The following TSHZ2 variants were observed in gnomAD, a reference collection of about 807,000 sequenced individuals.
The protein encoded by TSHZ2 is teashirt homolog 2.
In TSHZ2, 21 loss-of-function variants were observed where a neutral mutation model predicts 74.4. That is an observed-to-expected ratio of 0.28 (90% CI 0.20 to 0.41). The LOEUF (loss-of-function observed/expected upper bound fraction) is 0.41, where lower values mean the gene tolerates loss of function less well. Among genes scored for constraint, TSHZ2 ranks in the 10% least tolerant of loss-of-function variants. The pLI is 1.00. For synonymous variants in TSHZ2, 540 were observed against 515.3 expected, an observed-to-expected ratio of 1.05 and a Z score of -0.65; for missense variants, 1,244 against 1,293.5, an observed-to-expected ratio of 0.96 and a Z score of 0.59.
chr20:53,370,232 G>C (rs1175768052), intron 2 of TSHZ2, among the ~76,000 whole-genome samples: 1 of 152,156 alleles, frequency 6.6e-6, no homozygotes, highest in African/African-American at 2.4e-5. Context: ...GGGCATGAAG[G>C]ACATGGAAAG....
At chr20:53,392,237 G>C (rs1406738603) in intron 2 of TSHZ2, among the ~76,000 whole-genome samples, 1 of 152,132 alleles carries the variant, frequency 6.6e-6, no homozygotes, top group Non-Finnish European at 1.5e-5. Context: ...CTGAAGTTGG[G>C]AGTTCAAGAC....
chr20:53,117,485 A>G (rs1253636902), intron 1 of TSHZ2, among the ~76,000 whole-genome samples: 1 of 152,210 alleles, frequency 6.6e-6, no homozygotes, highest in Non-Finnish European at 1.5e-5. Flanking sequence ...GAGACAGACA[A>G]TAGTTGTGTA....
intron 1 of TSHZ2, among the ~76,000 whole-genome samples, chr20:53,107,774 G>T (rs73142266): frequency 0.07 from 10,680 of 152,210 alleles, 445 homozygotes; most frequent in Non-Finnish European, 0.1. Context: ...TAATAGAGTA[G>T]GGAGAGTGTA....
At chr20:53,078,873 T>C (rs1210240265) in intron 1 of TSHZ2, among the ~76,000 whole-genome samples, 3 of 152,200 alleles carry the variant, frequency 2.0e-5, no homozygotes, top group Non-Finnish European at 4.4e-5. Flanking sequence ...TTAAGTTTGA[T>C]GTTCAAGAGT....
At chr20:53,187,839 A>G (rs1188006828) in intron 1 of TSHZ2, among the ~76,000 whole-genome samples, 2 of 152,126 alleles carry the variant, frequency 1.3e-5, no homozygotes, top group African/African-American at 2.4e-5. Flanking sequence ...ATGAGGGAAA[A>G]TGGGAAATCA....
chr20:53,050,130 T>TATATATATATATATATATATAGATATAC (rs1555819319), intron 1 of TSHZ2, among the ~76,000 whole-genome samples: 1 of 88,346 alleles, frequency 1.1e-5, no homozygotes, highest in Non-Finnish European at 1.9e-5. Context: ...TATATACACA[T>TATATATATATATATATATATAGATATAC]ATATATATGT....
At chr20:53,011,079 GCTTT>G (rs1442926673) in intron 1 of TSHZ2, among the ~76,000 whole-genome samples, 5 of 152,170 alleles carry the variant, frequency 3.3e-5, no homozygotes, top group African/African-American at 7.2e-5. Flanking sequence ...TGCTCAAACA[GCTTT>G]CTTTATTAGT....
intron 1 of TSHZ2, among the ~76,000 whole-genome samples, chr20:53,037,270 G>A (rs746689378): frequency 4.6e-5 from 7 of 152,164 alleles, no homozygotes; most frequent in Non-Finnish European, 1.0e-4. Flanking sequence ...GCTATCACTA[G>A]TCAGATTATT....
chr20:53,123,367 T>G (rs1986864659), intron 1 of TSHZ2, among the ~76,000 whole-genome samples: 1 of 152,142 alleles, frequency 6.6e-6, no homozygotes. Flanking sequence ...TATGATCAGC[T>G]TCCATGAGGG....
At chr20:53,301,263 A>G (rs8182671) in intron 2 of TSHZ2, among the ~76,000 whole-genome samples, 14 of 152,212 alleles carry the variant, frequency 9.2e-5, no homozygotes, top group African/African-American at 3.4e-4. Context: ...TAGCCCCCAG[A>G]GTGATTTCTA....
rs147511131 is a variant in TSHZ2 at position 53,134,451 on chromosome 20, A to G, written c.41-119048A>G. Among the ~76,000 whole-genome samples the G allele has an allele frequency of 2.6e-3, 401 of 152,312 alleles. 7 individuals carry two copies. The highest frequency in any genetic ancestry group is 0.023 in the Admixed American group (351 of 15,288). On this transcript the variant is annotated intron_variant, in intron 1 of 2. Transcript: ENST00000371497. ...TTTAACCTGGAGCATAGCACACCTC[A>G]ATATAAATTTTCTCATCATTTGACA...
chr20:53,464,747 T>C (rs1263851467), intron 2 of TSHZ2, among the ~76,000 whole-genome samples: 1 of 151,938 alleles, frequency 6.6e-6, no homozygotes, highest in African/African-American at 2.4e-5. Flanking sequence ...GGATTACAGG[T>C]GTCAGCCACC....
chr20:53,356,316 A>C (rs1006761469), intron 2 of TSHZ2, among the ~76,000 whole-genome samples: 1 of 152,116 alleles, frequency 6.6e-6, no homozygotes, highest in Non-Finnish European at 1.5e-5. Flanking sequence ...TTATGATCTG[A>C]ACTCAGTTAG....
chr20:53,353,330 A>G (rs1038779376), intron 2 of TSHZ2, among the ~76,000 whole-genome samples: 1 of 152,202 alleles, frequency 6.6e-6, no homozygotes, highest in African/African-American at 2.4e-5. Flanking sequence ...ATTCAAGACC[A>G]TCTGCAACTG....
intron 2 of TSHZ2, among the ~76,000 whole-genome samples, chr20:53,351,773 A>G (rs1980654352): frequency 6.6e-6 from 1 of 152,212 alleles, no homozygotes; most frequent in Middle Eastern, 3.2e-3. Flanking sequence ...CTTCTTCCCC[A>G]GGTGGTAGCA....
intron 1 of TSHZ2, among the ~76,000 whole-genome samples, chr20:52,988,553 A>T (rs963065178): frequency 3.3e-5 from 5 of 151,462 alleles, no homozygotes; most frequent in African/African-American, 1.2e-4. Context: ...ACTGAAATTT[A>T]GTGTTTCCCC....
chr20:52,988,672 TAA>T (rs1981863193), intron 1 of TSHZ2, among the ~76,000 whole-genome samples: 1 of 151,876 alleles, frequency 6.6e-6, no homozygotes, highest in African/African-American at 2.4e-5. Context: ...AGAAAAAGAA[TAA>T]AGACTTTTGA....
At chr20:52,998,250 CCT>C (rs1982282253) in intron 1 of TSHZ2, among the ~76,000 whole-genome samples, 1 of 152,172 alleles carries the variant, frequency 6.6e-6, no homozygotes, top group Admixed American at 6.5e-5. Flanking sequence ...CTCACTGCAG[CCT>C]CTGTCTCCCA....
intron 2 of TSHZ2, among the ~76,000 whole-genome samples, chr20:53,393,186 G>A (rs751712470): frequency 2.6e-5 from 4 of 152,008 alleles, no homozygotes; most frequent in Non-Finnish European, 4.4e-5. Context: ...AATATGCTTC[G>A]ATGTCTATTG....
Sources: allele counts gnomAD v4.1 joint callset (sites outside exome capture counted in the v4.1 genomes callset), GRCh38; gene constraint gnomAD v4.1.1; transcripts MANE v1.5; gene names NCBI Gene and HGNC (gene_info 2026-07-23, HGNC 2026-07-21).